Variants in MKX observed in about 807,000 individuals in gnomAD.
The protein encoded by MKX is homeobox protein Mohawk.
A neutral mutation model predicts 36.0 loss-of-function variants in MKX; 13 were observed. The ratio of observed to expected loss-of-function variants is 0.36; its 90% CI spans 0.24 to 0.57. The LOEUF is 0.57. Ranked by LOEUF, MKX falls within the 20% of genes least tolerant of loss-of-function variation. The pLI, the probability that MKX is intolerant of heterozygous loss-of-function variation, is 0.79. For missense variants in MKX, 458 were observed against 456.4 expected (o/e 1.00, Z -0.03); for synonymous variants, 176 against 178.3 (o/e 0.99, Z 0.10).
At chr10:27,728,156 G>A (rs1373936700) in intron 5 of MKX, among the ~76,000 whole-genome samples, 1 of 152,172 alleles carries the variant, frequency 6.6e-6, no homozygotes, top group Admixed American at 6.5e-5. Context: ...AAAAGGCAAA[G>A]CTTAATTCTT....
intron 5 of MKX, among the ~76,000 whole-genome samples, chr10:27,691,262 A>C (rs1836448783): frequency 2.0e-5 from 3 of 152,120 alleles, no homozygotes; most frequent in Non-Finnish European, 2.9e-5. Flanking sequence ...CATCTCTGAG[A>C]TTGTGTTCAG....
intron 5 of MKX, among the ~76,000 whole-genome samples, chr10:27,726,209 C>T (rs1834485620): frequency 1.3e-5 from 2 of 152,258 alleles, no homozygotes; most frequent in South Asian, 4.1e-4. Flanking sequence ...TTGTTCTTAA[C>T]AGGAAAATAT....
In MKX at chr10:27,711,410, T is replaced by TTCTTTCTTTCTTTCTTTTC. The variant is rs1564356673; in HGVS notation, c.838+23027_838+23045dup. ...TTTCTTTCTTCCTTTCCTTCTTTCC[T>TTCTTTCTTTCTTTCTTTTC]TCTTTCTTTCTTTCTTTTCTCTTTC... is the stretch of plus-strand genomic sequence containing the variant. On this transcript the variant is annotated intron_variant, in intron 5 of 6. Transcript: ENST00000419761. 1.7e-3 allele frequency among the ~76,000 whole-genome samples: 205 copies of TTCTTTCTTTCTTTCTTTTC among 122,244 alleles called. 8 individuals carry two copies. Among genetic ancestry groups the TTCTTTCTTTCTTTCTTTTC allele is most frequent in the African/African-American group, 6.5e-3 (186 of 28,480 alleles). The allele number at this position is 122,244 out of a possible 152,430, so 80.2% of individuals were successfully genotyped here.
intron 5 of MKX, among the ~76,000 whole-genome samples, chr10:27,715,471 A>G (rs763345461): frequency 1.1e-4 from 17 of 152,204 alleles, no homozygotes; most frequent in Non-Finnish European, 1.9e-4. Flanking sequence ...GCTGATCCTA[A>G]TCTTCTAGAA....
intron 5 of MKX, among the ~76,000 whole-genome samples, chr10:27,690,295 C>CG (rs58041320): frequency 0.8 from 121,804 of 151,790 alleles, 48,934 homozygotes; most frequent in Admixed American, 0.84. Context: ...CATTTGAGCC[C>CG]GGAGGCGGAG....
intron 5 of MKX, among the ~76,000 whole-genome samples, chr10:27,689,991 GA>G (rs1836424694): frequency 6.6e-6 from 1 of 152,092 alleles, no homozygotes; most frequent in African/African-American, 2.4e-5. Flanking sequence ...ATTAAATTCC[GA>G]TGGCATACAG....
Position 27,731,070 on chromosome 10 carries a change from G to A in MKX, c.838+3386C>T, listed in dbSNP as rs544188249. On this transcript the variant is annotated intron_variant, in intron 5 of 6. Coordinates refer to ENST00000419761, the MANE Select transcript of MKX (RefSeq NM_173576.3). ...AATTGCTTGAACTTGGGAGGTGGAG[G>A]TTGCAGTGAACCGAGATCGTGCCAC... is the stretch of plus-strand genomic sequence containing the variant. 3.4e-5 allele frequency among the ~76,000 whole-genome samples: 5 copies of A among 148,348 alleles called. No individual in the cohort carries two copies. In the South Asian group the frequency reaches 1.1e-3, roughly 32 times the overall value.
At chr10:27,718,225 G>T (rs1836998891) in intron 5 of MKX, among the ~76,000 whole-genome samples, 1 of 152,094 alleles carries the variant, frequency 6.6e-6, no homozygotes, top group Non-Finnish European at 1.5e-5. Context: ...AGAAGAAAAA[G>T]AAGAAATAAT....
chr10:27,711,494 T>TCTCTTC lies in MKX; in HGVS notation c.838+22961_838+22962insGAAGAG, dbSNP rs1554772211. Among the ~76,000 whole-genome samples the TCTCTTC allele has an allele frequency of 2.1e-3, 72 of 34,146 alleles. No individual in the cohort carries two copies. In the East Asian group the frequency reaches 0.03, roughly 14 times the overall value. The allele number at this position is 34,146 out of a possible 152,430, so 22.4% of individuals were successfully genotyped here. On this transcript the variant is annotated intron_variant, in intron 5 of 6. Coordinates refer to ENST00000419761, the MANE Select transcript of MKX (RefSeq NM_173576.3). ...TTCTTTCTTTCTTTCTCTCTCTCTCTCTTCTTTCCTTCCTTCCTTCCTTCC... is the reference window on the plus strand; with the variant it reads ...TTCTTTCTTTCTTTCTCTCTCTCTCTCTCTTCCTTCTTTCCTTCCTTCCTTCCTTCC...
chr10:27,682,877 G>T (rs76476698), intron 5 of MKX, among the ~76,000 whole-genome samples: 10,759 of 152,012 alleles, frequency 0.071, 631 homozygotes, highest in East Asian at 0.3. Context: ...TACTTGGGAG[G>T]CTGAGGCAAG....
chr10:27,713,525 A>T (rs1387978103), intron 5 of MKX, among the ~76,000 whole-genome samples: 1 of 152,194 alleles, frequency 6.6e-6, no homozygotes, highest in Admixed American at 6.5e-5. Context: ...CTGAACCAGG[A>T]GCTTAGAGAC....
Position 27,685,944 on chromosome 10 carries a change from C to CA in MKX, c.839-10391dup, listed in dbSNP as rs202142660. The stretch of plus-strand genomic sequence containing the variant: ...AGAAATCATTCTAAGTGATATTTGC[C>CA]AAAAAAAAGGAAGAAAAGAAAAACC... On this transcript the variant is annotated intron_variant, in intron 5 of 6. Coordinates refer to ENST00000419761, the MANE Select transcript of MKX (RefSeq NM_173576.3). Among the ~76,000 whole-genome samples the CA allele has an allele frequency of 2.2e-3, 333 of 151,248 alleles. 10 individuals carry two copies. The East Asian group carries it at 0.052, about 24-fold the overall frequency.
intron 5 of MKX, among the ~76,000 whole-genome samples, chr10:27,699,733 T>C (rs1836619379): frequency 6.6e-6 from 1 of 152,146 alleles, no homozygotes; most frequent in African/African-American, 2.4e-5. Context: ...CTCAGAAAGA[T>C]GGTCTTTGGG....
intron 5 of MKX, among the ~76,000 whole-genome samples, chr10:27,701,639 A>C (rs1189447537): frequency 6.9e-6 from 1 of 145,016 alleles, no homozygotes; most frequent in Non-Finnish European, 1.5e-5. Flanking sequence ...TAATATATTT[A>C]TATATTATAT....
At chr10:27,707,599 A>C (rs1836780134) in intron 5 of MKX, among the ~76,000 whole-genome samples, 1 of 152,162 alleles carries the variant, frequency 6.6e-6, no homozygotes, top group Admixed American at 6.5e-5. Context: ...AAGCAACATA[A>C]AAATTCAGCC....
chr10:27,700,162 A>T (rs992160535), intron 5 of MKX, among the ~76,000 whole-genome samples: 2 of 152,216 alleles, frequency 1.3e-5, no homozygotes, highest in East Asian at 3.8e-4. Flanking sequence ...CAAAGGGAGC[A>T]GTCTCCATGA....
intron 5 of MKX, among the ~76,000 whole-genome samples, chr10:27,676,165 T>C (rs1218085502): frequency 2.0e-5 from 3 of 151,970 alleles, no homozygotes; most frequent in Non-Finnish European, 2.9e-5. Context: ...TCCCAGTTAC[T>C]CAGGAGGCTG....
chr10:27,707,899 G>A (rs185186968), intron 5 of MKX, among the ~76,000 whole-genome samples: 14 of 152,250 alleles, frequency 9.2e-5, no homozygotes, highest in Admixed American at 7.8e-4. Flanking sequence ...CTGTTTGAAA[G>A]TACAGTGACT....
intron 5 of MKX, among the ~76,000 whole-genome samples, chr10:27,719,633 T>C (rs535651484): frequency 2.0e-5 from 3 of 152,138 alleles, no homozygotes; most frequent in Admixed American, 6.6e-5. Context: ...AAAAAAAAGA[T>C]GTTCTTGGAG....
Sources: gnomAD v4.1 joint callset for allele counts (sites outside exome capture counted in the v4.1 genomes callset) on GRCh38, gnomAD v4.1.1 for gene constraint, MANE v1.5 for transcripts, NCBI Gene and HGNC (gene_info 2026-07-23, HGNC 2026-07-21) for gene names.